IRS4: variants seen among roughly 807,000 people sequenced by gnomAD.
IRS4 encodes the protein 160 kDa phosphotyrosine protein.
IRS4 carries 15 observed loss-of-function variants against 48.6 expected under a neutral mutation model. The ratio of observed to expected loss-of-function variants is 0.31; its 90% CI spans 0.21 to 0.48. The LOEUF (loss-of-function observed/expected upper bound fraction) is 0.48. Ranked by LOEUF, IRS4 falls within the 20% of genes least tolerant of loss-of-function variation. IRS4 has a pLI of 0.99. For synonymous variants in IRS4, 459 were observed against 413.2 expected (o/e 1.11, Z -1.34); for missense variants, 987 against 1,023.4 (o/e 0.96, Z 0.49).
In IRS4 at chrX:108,734,756, C is replaced by T. The variant is rs2068934515; in HGVS notation, c.1589G>A (p.Arg530Gln). 2 of 1,211,363 alleles carry T rather than the reference C, an allele frequency of 1.7e-6. No homozygotes were observed. Among genetic ancestry groups the T allele is most frequent in the South Asian group, 1.8e-5 (1 of 56,928 alleles). The change falls in exon 1 of 2, where the codon CGA becomes CAA. Residue 530 changes from arginine (R) to glutamine (Q), a missense_variant. By Grantham distance (43) the Arg-to-Gln change is conservative. Around this residue, in one of 4 missense-constraint regions of IRS4, gnomAD observed 720 missense variants for 660.3 expected, o/e 1.09. Coordinates refer to ENST00000372129, the MANE Select transcript of IRS4 (RefSeq NM_001379150.1). ...NQCSGEGQGS[R>Q]GGQGSNGQGS... is the part of the protein sequence containing the mutation. ...CTGGCCATTTGAGCCCTGACCACCT[C>T]GGGATCCCTGTCCCTCGCCTGAACA...
chrX:108,724,022 ATTTTG>A (rs2068865005), intron 1 of IRS4: 2 of 112,535 alleles, frequency 1.8e-5, no homozygotes, highest in South Asian at 3.6e-4. Flanking sequence ...TTAGTTTACT[ATTTTG>A]TTTTAATACC....
rs1249521952 is a variant in IRS4, at chrX:108,721,575, G to T, written c.*944C>A. Reference sequence around the variant, plus strand: ...ATAGTAGCCATGGGCATAAGAGGAAGAGTGTGCATTGGGGAAAATGGAGAA... The same window carrying T: ...ATAGTAGCCATGGGCATAAGAGGAATAGTGTGCATTGGGGAAAATGGAGAA... On this transcript the variant is annotated 3_prime_UTR_variant, in exon 2 of 2. Coordinates refer to ENST00000372129, the MANE Select transcript of IRS4 (RefSeq NM_001379150.1). 9.0e-6 allele frequency: 1 copy of T among 111,141 alleles called. No individual in the cohort carries two copies. The highest frequency in any genetic ancestry group is 1.9e-5 in the Non-Finnish European group (1 of 53,072). The allele number at this position is 111,141 out of a possible 1,213,427, so 9.2% of individuals were successfully genotyped here.
chrX:108,724,320 T>G (rs188732737), intron 1 of IRS4: 23 of 112,203 alleles, frequency 2.0e-4, no homozygotes, highest in African/African-American at 6.5e-4. Flanking sequence ...ATTAAGTGAA[T>G]GTTTGGTAAC....
chrX:108,730,246 T>C (rs993563634), intron 1 of IRS4, among the ~76,000 whole-genome samples: 1 of 110,689 alleles, frequency 9.0e-6, no homozygotes, highest in Non-Finnish European at 1.9e-5. Context: ...ACAATTTACA[T>C]TAAAATGCTA....
At position 108,735,251 on chromosome X, in the gene IRS4, G is replaced by C. The variant is rs1349498571; in HGVS notation, c.1094C>G (p.Pro365Arg). ...LSARRHLGLV[P>R]LEPGGWLRRS... The stretch of plus-strand genomic sequence containing the variant: ...TCTGAGCCAGCCTCCCGGCTCGAGC[G>C]GCACCAAGCCCAGGTGCCTCCTAGC... Residue 365 changes from proline to arginine, a missense_variant, in exon 1 of 2, where the codon CCG becomes CGG. By Grantham distance (103) the Pro-to-Arg change is moderately radical. This residue lies in a region of IRS4 where 74 missense variants were observed against 100.4 expected (regional missense o/e 0.74). Transcript: ENST00000372129. The C allele has an allele frequency of 7.4e-6, 9 of 1,211,729 alleles. No individual in the cohort carries two copies. Among genetic ancestry groups the C allele is most frequent in the Non-Finnish European group, 5.6e-6 (5 of 895,578 alleles).
Position 108,733,150 on chromosome X carries a change from A to G in IRS4, c.3195T>C (p.Cys1065=), listed in dbSNP as rs141832830. 1.6e-5 allele frequency: 19 copies of G among 1,209,356 alleles called. No individual in the cohort carries two copies. In the African/African-American group the frequency reaches 3.1e-4, roughly 20 times the overall value. ...CMDISLSPSR[C]SEPPPVARLL... is the part of the protein sequence containing the mutation. ...GCCTAGCTACAGGTGGTGGTTCAGA[A>G]CATCGGCTGGGGGAGAGAGAAATAT... Residue 1065 remains cysteine, a synonymous_variant, in exon 1 of 2, where the codon TGT becomes TGC. Transcript: ENST00000372129.
At position 108,736,470 on chromosome X, in the gene IRS4, C is replaced by G; in HGVS notation, c.-126G>C. On this transcript the variant is annotated 5_prime_UTR_variant, in exon 1 of 2. Transcript: ENST00000372129. ...CCCCTCCTGCCTTGGCCCGCGCCCC[C>G]GCCCACTCCACTCTGAGCGCACGAC... 9.5e-7 allele frequency: 1 copy of G among 1,056,582 alleles called. No individual in the cohort carries two copies. Among genetic ancestry groups the G allele is most frequent in the Non-Finnish European group, 1.3e-6 (1 of 782,612 alleles). The allele number at this position is 1,056,582 out of a possible 1,213,427, so 87.1% of individuals were successfully genotyped here.
At chrX:108,730,504 G>C (rs2068896899) in intron 1 of IRS4, among the ~76,000 whole-genome samples, 1 of 111,787 alleles carries the variant, frequency 8.9e-6, no homozygotes, top group Non-Finnish European at 1.9e-5. Context: ...TTTGTAAAGT[G>C]CTTTAACATT....
Position 108,733,581 on chromosome X carries a change from C to G in IRS4, c.2764G>C (p.Val922Leu). 2 of 1,211,999 alleles carry G rather than the reference C, an allele frequency of 1.7e-6. No individual in the cohort carries two copies. Among genetic ancestry groups the G allele is most frequent in the Non-Finnish European group, 2.2e-6 (2 of 895,585 alleles). The change falls in exon 1 of 2, where the codon GTC (valine) becomes CTC (leucine). Residue 922 changes from valine (V) to leucine (L), a missense_variant. Around this residue, in one of 4 missense-constraint regions of IRS4, gnomAD observed 720 missense variants for 660.3 expected, o/e 1.09. Transcript: ENST00000372129. The part of the protein sequence containing the change: ...QREADSSSDY[V>L]NMDFTKRESN... ...TCTCTTTTAGTGAAGTCCATGTTGA[C>G]GTAGTCACTAGAGCTGTCAGCTTCT... is the stretch of plus-strand genomic sequence containing the variant.
intron 1 of IRS4, 170 bp downstream of exon 1, chrX:108,732,409 T>G (rs2068906954): frequency 1.1e-6 from 1 of 881,767 alleles, no homozygotes; most frequent in East Asian, 3.3e-5. Context: ...TAAAAACAAA[T>G]TTTTGCAAAG....
chrX:108,722,504 T>C lies in IRS4; in HGVS notation c.*15A>G. On this transcript the variant is annotated 3_prime_UTR_variant, in exon 2 of 2. Transcript: ENST00000372129. ...CATCACTTTTCTTCTAAAATGTGTT[T>C]TTGTGGCAATATAATCACTCTAGGA... The C allele has an allele frequency of 3.1e-6, 1 of 326,723 alleles. No homozygotes were observed. Among genetic ancestry groups the C allele is most frequent in the Admixed American group, 3.2e-5 (1 of 31,687 alleles). 26.9% of individuals were successfully genotyped at this position (326,723 alleles called of 1,213,427 possible).
At position 108,732,657 on chromosome X, in the gene IRS4, C is replaced by T. The variant is rs28546943; in HGVS notation, c.3688G>A (p.Asp1230Asn). 8.3e-7 allele frequency: 1 copy of T among 1,211,713 alleles called. No individual in the cohort carries two copies. ...TGAGTGTCGTCGTCGTTGTCAGAAT[C>T]TTCTCTCTCCGGGGGTCTTGGCACC... ...RRVPRPPERE[D>N]SDNDDDTHVR... The change falls in exon 1 of 2, where the codon GAT (aspartate) becomes AAT (asparagine). Residue 1230 changes from aspartate to asparagine, a missense_variant. Coordinates refer to ENST00000372129, the MANE Select transcript of IRS4 (RefSeq NM_001379150.1).
In IRS4 at chrX:108,735,989, C is replaced by A; in HGVS notation, c.356G>T (p.Arg119Leu). 1 of 1,209,838 alleles carries A rather than the reference C, an allele frequency of 8.3e-7. No homozygotes were observed. Among genetic ancestry groups the A allele is most frequent in the Non-Finnish European group, 1.1e-6 (1 of 895,000 alleles). ...AGCCGCCGCGGCGCGGACACTGTGC[C>A]GGAACTTCCTGGCATTTTCGTAGTA... is the stretch of plus-strand genomic sequence containing the variant. Reference protein sequence around the residue: ...LEYYENARKFRHSVRAAAAAA... With the variant: ...LEYYENARKFLHSVRAAAAAA... Residue 119 changes from arginine (R) to leucine (L), a missense_variant, in exon 1 of 2, where the codon CGG becomes CTG. Around this residue, in one of 4 missense-constraint regions of IRS4, gnomAD observed 173 missense variants for 208.9 expected, o/e 0.83. Coordinates refer to ENST00000372129, the MANE Select transcript of IRS4 (RefSeq NM_001379150.1).
At chrX:108,722,577 G>A in intron 1 of IRS4, 54 bp from the exon 2 acceptor site, 1 of 314,689 alleles carries the variant, frequency 3.2e-6, no homozygotes, top group South Asian at 2.9e-5. Flanking sequence ...GTGGAGAGCT[G>A]TCACCCCCAC....
intron 1 of IRS4, among the ~76,000 whole-genome samples, chrX:108,729,403 AAAAACCAGG>A (rs1411869247): frequency 9.0e-6 from 1 of 110,766 alleles, no homozygotes; most frequent in East Asian, 2.8e-4. Context: ...TCTTGAATAA[AAAAACCAGG>A]AAAATGTTCA....
chrX:108,735,181 G>A lies in IRS4; in HGVS notation c.1164C>T (p.Asp388=), dbSNP rs1280477955. 3 of 1,209,380 alleles carry A rather than the reference G, an allele frequency of 2.5e-6. No homozygotes were observed. The highest frequency in any genetic ancestry group is 3.4e-6 in the Non-Finnish European group (3 of 895,204). ...TGGTGAAAAGCATCTCGTCTTCCCCGTCGCCGATGGCCCTGAGGTGGCAAA... is the reference window on the plus strand; with the variant it reads ...TGGTGAAAAGCATCTCGTCTTCCCCATCGCCGATGGCCCTGAGGTGGCAAA... ...EQFCHLRAIG[D]GEDEMLFTRR... The change falls in exon 1 of 2, where the codon GAC becomes GAT. Residue 388 remains aspartate, a synonymous_variant. Coordinates refer to ENST00000372129, the MANE Select transcript of IRS4 (RefSeq NM_001379150.1).
chrX:108,722,281 A>C lies in IRS4; in HGVS notation c.*238T>G. 3 of 168,670 alleles carry C rather than the reference A, an allele frequency of 1.8e-5. No individual in the cohort carries two copies. The highest frequency in any genetic ancestry group is 3.5e-5 in the Non-Finnish European group (3 of 85,294). 13.9% of individuals were successfully genotyped at this position (168,670 alleles called of 1,213,427 possible). On this transcript the variant is annotated 3_prime_UTR_variant, in exon 2 of 2. Coordinates refer to ENST00000372129, the MANE Select transcript of IRS4 (RefSeq NM_001379150.1). ...GAGGAAAACCAGAAAACAAAAAACA[A>C]AGCACAGTGTAAATATTGTTAATTA...
intron 1 of IRS4, among the ~76,000 whole-genome samples, chrX:108,728,839 A>C (rs1419601161): frequency 9.0e-6 from 1 of 111,719 alleles, no homozygotes; most frequent in Non-Finnish European, 1.9e-5. Flanking sequence ...TCTCGTTCGA[A>C]TTTTTATACA....
Position 108,732,901 on chromosome X carries a change from T to A in IRS4, c.3444A>T (p.Ala1148=), listed in dbSNP as rs1479678877. ...SALAAAPGIG[A]AAAAAGFDSA... The stretch of plus-strand genomic sequence containing the variant: ...AGTCAAATCCAGCAGCTGCGGCTGC[T>A]GCGCCGATGCCCGGGGCTGCGGCGA... The change falls in exon 1 of 2, where the codon GCA becomes GCT. Residue 1148 remains alanine (A), a synonymous_variant. Coordinates refer to ENST00000372129, the MANE Select transcript of IRS4 (RefSeq NM_001379150.1). 1 of 1,171,539 alleles carries A rather than the reference T, an allele frequency of 8.5e-7. No individual in the cohort carries two copies. The highest frequency in any genetic ancestry group is 2.5e-5 in the Admixed American group (1 of 40,695).
Sources: gnomAD v4.1 joint callset for allele counts (sites outside exome capture counted in the v4.1 genomes callset) on GRCh38, gnomAD v4.1.1 for gene constraint, gnomAD v4.1.1 regional missense constraint, MANE v1.5 for transcripts, NCBI Gene and HGNC (gene_info 2026-07-23, HGNC 2026-07-21) for gene names.